VOPP1: variants seen among roughly 807,000 people sequenced by gnomAD.
The protein encoded by VOPP1 is WW domain binding protein VOPP1.
In VOPP1, 8 loss-of-function variants were observed where a neutral mutation model predicts 23.5. The observed-to-expected ratio is 0.34, with a 90% confidence interval of 0.20 to 0.61. VOPP1 has a LOEUF of 0.61. VOPP1 is among the 20% of genes least tolerant of loss of function. The pLI is 0.78. For missense variants in VOPP1, 174 were observed against 238.1 expected (o/e 0.73, Z 1.77); for synonymous variants, 83 against 97.3 (o/e 0.85, Z 0.86).
At position 55,492,431 on chromosome 7, in the gene VOPP1, C is replaced by G. The variant is rs200603232; in HGVS notation, c.192-13G>C. 4 of 1,604,130 alleles carry G rather than the reference C, an allele frequency of 2.5e-6. No homozygotes were observed. The highest frequency in any genetic ancestry group is 3.4e-6 in the Non-Finnish European group (4 of 1,174,298). ...CATCAGAAGGAACCTGAGGAGAGTACAGACGTGAGGGTGGTGCTCCCAGGT... is the reference window on the plus strand; with the variant it reads ...CATCAGAAGGAACCTGAGGAGAGTAGAGACGTGAGGGTGGTGCTCCCAGGT... On this transcript the variant is annotated splice_polypyrimidine_tract_variant and intron_variant, in intron 3 of 4. Transcript: ENST00000285279.
At chr7:55,494,040 C>T (rs1181800334) in intron 3 of VOPP1, among the ~76,000 whole-genome samples, 1 of 152,018 alleles carries the variant, frequency 6.6e-6, no homozygotes, top group African/African-American at 2.4e-5. Context: ...GAACACAGAG[C>T]AGGTACTGGG....
intron 2 of VOPP1, among the ~76,000 whole-genome samples, chr7:55,519,279 C>A (rs1036760479): frequency 6.6e-6 from 1 of 152,214 alleles, no homozygotes; most frequent in Admixed American, 6.5e-5. Flanking sequence ...AAAAGCAGGG[C>A]TTGTCTTTTG....
intron 1 of VOPP1, 101 bp from the exon 2 acceptor site, chr7:55,521,231 A>G: frequency 8.3e-7 from 1 of 1,209,510 alleles, no homozygotes; most frequent in Non-Finnish European, 1.2e-6. Flanking sequence ...GACACAGCTT[A>G]ACCCATGAAA....
chr7:55,517,169 G>A (rs1414577433), intron 2 of VOPP1, among the ~76,000 whole-genome samples: 7 of 150,906 alleles, frequency 4.6e-5, no homozygotes, highest in Admixed American at 6.6e-5. Flanking sequence ...GGGTGGTCTC[G>A]AACTCCTGAG....
At chr7:55,552,622 C>T (rs919139155) in intron 1 of VOPP1, 1 of 1,535,974 alleles carries the variant, frequency 6.5e-7, no homozygotes, top group African/African-American at 1.4e-5. Context: ...GGAACCAGGT[C>T]TGTGTGGCTC....
At chr7:55,569,323 C>T (rs1798271289) in intron 1 of VOPP1, among the ~76,000 whole-genome samples, 1 of 152,216 alleles carries the variant, frequency 6.6e-6, no homozygotes, top group Non-Finnish European at 1.5e-5. Flanking sequence ...CATCCTATTT[C>T]ACTCTTCAAA....
At chr7:55,553,961 T>C (rs1444093435) in intron 1 of VOPP1, 1 of 152,344 alleles carries the variant, frequency 6.6e-6, no homozygotes, top group Non-Finnish European at 1.5e-5. Context: ...GAGGAAGGCA[T>C]GTCCTGGAGG....
intron 1 of VOPP1, among the ~76,000 whole-genome samples, 189 bp from the exon 2 acceptor site, chr7:55,521,319 T>A (rs1465376800): frequency 2.0e-5 from 3 of 152,178 alleles, no homozygotes; most frequent in Non-Finnish European, 4.4e-5. Flanking sequence ...CTTTAAAACA[T>A]CTATTTTTCT....
At chr7:55,516,096 G>T in intron 2 of VOPP1, 1 of 813,090 alleles carries the variant, frequency 1.2e-6, no homozygotes, top group Non-Finnish European at 1.5e-6. Context: ...ACAGCCACTT[G>T]CTATTTTTAA....
chr7:55,568,123 AG>A (rs1223784299), intron 1 of VOPP1, among the ~76,000 whole-genome samples: 1 of 129,180 alleles, frequency 7.7e-6, no homozygotes, highest in African/African-American at 3.0e-5. Context: ...TCTGTTGCTC[AG>A]GCTGGAGTGC....
At chr7:55,518,860 C>T (rs777975914) in intron 2 of VOPP1, among the ~76,000 whole-genome samples, 6 of 152,130 alleles carry the variant, frequency 3.9e-5, no homozygotes, top group Non-Finnish European at 7.3e-5. Flanking sequence ...TTTACAAAGA[C>T]GTGAGAACTG....
intron 4 of VOPP1, among the ~76,000 whole-genome samples, chr7:55,448,851 GCCCA>G (rs1791168715): frequency 2.6e-5 from 4 of 152,236 alleles, no homozygotes; most frequent in African/African-American, 9.6e-5. Flanking sequence ...CGCAGGACAT[GCCCA>G]CCCTCTTCAA....
chr7:55,543,056 C>T (rs1797202738), intron 1 of VOPP1, among the ~76,000 whole-genome samples: 1 of 152,024 alleles, frequency 6.6e-6, no homozygotes, highest in Admixed American at 6.6e-5. Context: ...GCTGGGAATA[C>T]AGGCACCTGC....
At chr7:55,517,424 G>A (rs996637187) in intron 2 of VOPP1, among the ~76,000 whole-genome samples, 6 of 152,046 alleles carry the variant, frequency 3.9e-5, no homozygotes, top group African/African-American at 2.4e-5. Flanking sequence ...TGGAATGAAT[G>A]AAGTGCAGCC....
rs1793930973 is a variant in VOPP1, at chr7:55,496,105, T to A, written c.191+1508A>T. 2.0e-5 allele frequency among the ~76,000 whole-genome samples: 3 copies of A among 152,214 alleles called. No homozygotes were observed. The South Asian group carries it at 6.2e-4, about 31-fold the overall frequency. On this transcript the variant is annotated intron_variant, in intron 3 of 4. Transcript: ENST00000285279. ...CCAGGCCCTAAAAGTTCAGCTGGAC[T>A]TTCTCAAACTTCTCTTCTTTTTGAT...
At chr7:55,553,421 T>C (rs1797692052) in intron 1 of VOPP1, among the ~76,000 whole-genome samples, 1 of 152,152 alleles carries the variant, frequency 6.6e-6, no homozygotes, top group Non-Finnish European at 1.5e-5. Context: ...TGTTTTCCCA[T>C]GTTGCAGACC....
intron 1 of VOPP1, among the ~76,000 whole-genome samples, chr7:55,567,276 C>A (rs80020096): frequency 0.074 from 11,306 of 152,248 alleles, 695 homozygotes; most frequent in East Asian, 0.29. Flanking sequence ...AAAACCTTTG[C>A]CCCTAAATTG....
intron 1 of VOPP1, among the ~76,000 whole-genome samples, chr7:55,522,272 C>T (rs757142846): frequency 9.9e-5 from 15 of 152,184 alleles, no homozygotes; most frequent in East Asian, 7.7e-4. Context: ...GCCAACGTCA[C>T]GCCAGTGACA....
At chr7:55,443,447 G>T (rs925955564) in intron 4 of VOPP1, among the ~76,000 whole-genome samples, 3 of 147,366 alleles carry the variant, frequency 2.0e-5, no homozygotes, top group African/African-American at 7.5e-5. Context: ...CTAGCTACTC[G>T]GGAGGCTGAG....
Sources: allele counts gnomAD v4.1 joint callset (sites outside exome capture counted in the v4.1 genomes callset), GRCh38; gene constraint gnomAD v4.1.1; transcripts MANE v1.5; gene names NCBI Gene and HGNC (gene_info 2026-07-23, HGNC 2026-07-21).